C1QTNF7: variants seen among roughly 807,000 people sequenced by gnomAD.
The protein encoded by C1QTNF7 is complement C1q tumor necrosis factor-related protein 7.
C1QTNF7 carries 15 observed loss-of-function variants against 19.6 expected under a neutral mutation model. The ratio of observed to expected loss-of-function variants is 0.76; its 90% confidence interval spans 0.51 to 1.18. The LOEUF is 1.18. C1QTNF7 is among the 50% of genes most tolerant of loss of function. The pLI is 0.00. For synonymous variants in C1QTNF7, 142 were observed against 137.5 expected (o/e 1.03, Z -0.23); for missense variants, 324 against 359.7 (o/e 0.90, Z 0.80).
At chr4:15,366,093 G>A (rs1323544175) in intron 1 of C1QTNF7, among the ~76,000 whole-genome samples, 2 of 152,140 alleles carry the variant, frequency 1.3e-5, no homozygotes, top group Non-Finnish European at 2.9e-5. Flanking sequence ...TTAACAGCTG[G>A]AGAGTTTCCT....
At chr4:15,340,419 A>G (rs997181933) in intron 1 of C1QTNF7, among the ~76,000 whole-genome samples, 2 of 152,124 alleles carry the variant, frequency 1.3e-5, no homozygotes, top group Admixed American at 6.5e-5. Context: ...ACCTCTGTAA[A>G]TATCTTTCAC....
intron 1 of C1QTNF7, among the ~76,000 whole-genome samples, chr4:15,411,291 C>T (rs750946430): frequency 1.6e-4 from 25 of 152,052 alleles, no homozygotes; most frequent in East Asian, 3.8e-4. Context: ...GAAAGACAAA[C>T]GAGATGAAAG....
chr4:15,411,118 T>G (rs1719388031), intron 1 of C1QTNF7, among the ~76,000 whole-genome samples: 1 of 152,200 alleles, frequency 6.6e-6, no homozygotes, highest in Non-Finnish European at 1.5e-5. Flanking sequence ...TTCATTCCAA[T>G]AAGAACTTAT....
At position 15,442,890 on chromosome 4, in the gene C1QTNF7, A is replaced by G. The variant is rs748516387; in HGVS notation, c.*91A>G. ...AGGAATGGGATCCAAAGAGACTCCC[A>G]CTCAGATTCTAAAGCATTTAAAGAC... On this transcript the variant is annotated 3_prime_UTR_variant, in exon 3 of 3. Coordinates refer to ENST00000444304, the MANE Select transcript of C1QTNF7 (RefSeq NM_031911.5). 561 of 1,309,210 alleles carry G rather than the reference A, an allele frequency of 4.3e-4. 4 individuals are homozygous for G. In the Middle Eastern group the frequency reaches 6.3e-3, roughly 15 times the overall value. The allele number at this position is 1,309,210 out of a possible 1,614,324, so 81.1% of individuals were successfully genotyped here. A position where few individuals can be genotyped will look rare whatever the true frequency, so the allele number is the denominator to read the frequency against.
At chr4:15,374,460 T>A (rs1475225028) in intron 1 of C1QTNF7, 1 of 639,958 alleles carries the variant, frequency 1.6e-6, no homozygotes, top group Non-Finnish European at 1.9e-6. Flanking sequence ...AGCCAACAGA[T>A]AAAGAAGGAT....
intron 1 of C1QTNF7, among the ~76,000 whole-genome samples, chr4:15,341,601 ATCT>A (rs1228566470): frequency 1.3e-5 from 2 of 152,148 alleles, no homozygotes; most frequent in Admixed American, 1.3e-4. Flanking sequence ...TCTTTCCCAA[ATCT>A]TCTTCTATTC....
At chr4:15,368,147 A>G (rs1717595035) in intron 1 of C1QTNF7, among the ~76,000 whole-genome samples, 1 of 152,092 alleles carries the variant, frequency 6.6e-6, no homozygotes, top group Non-Finnish European at 1.5e-5. Context: ...AGACTTTTAC[A>G]AGTAGTATCT....
chr4:15,379,753 A>G (rs1441457162), intron 1 of C1QTNF7, among the ~76,000 whole-genome samples: 1 of 152,250 alleles, frequency 6.6e-6, no homozygotes, highest in African/African-American at 2.4e-5. Context: ...TTGGAGGTCT[A>G]TTAAAACCAG....
chr4:15,340,240 T>C (rs1171583685), intron 1 of C1QTNF7: 1 of 1,550,598 alleles, frequency 6.4e-7, no homozygotes, highest in African/African-American at 1.4e-5. Flanking sequence ...GTTTTTCTCT[T>C]TTTCCCTCCT....
rs200010034 is a variant in C1QTNF7 at position 15,439,844 on chromosome 4, T to TTA, written c.239-2315_239-2314dup. On this transcript the variant is annotated intron_variant, in intron 2 of 2. Coordinates refer to ENST00000444304, the MANE Select transcript of C1QTNF7 (RefSeq NM_031911.5). Reference sequence around the variant, plus strand: ...TTTCGATGGTATTAAATCATTGCTGTTATATATATAAAATCATTGCTTTTT... The same window carrying TTA: ...TTTCGATGGTATTAAATCATTGCTGTTATATATATATAAAATCATTGCTTTTT... Among the ~76,000 whole-genome samples, 690 of 152,132 alleles carry TTA rather than the reference T, an allele frequency of 4.5e-3. 2 individuals are homozygous for TTA. Among genetic ancestry groups the TTA allele is most frequent in the Non-Finnish European group, 7.2e-3 (489 of 67,988 alleles).
chr4:15,434,226 G>A (rs549514369), intron 1 of C1QTNF7, among the ~76,000 whole-genome samples: 1 of 151,870 alleles, frequency 6.6e-6, no homozygotes, highest in South Asian at 2.1e-4. Flanking sequence ...GCCTGAGTTC[G>A]GATAAGTTGC....
At chr4:15,393,873 C>T (rs1402693345) in intron 1 of C1QTNF7, among the ~76,000 whole-genome samples, 2 of 152,206 alleles carry the variant, frequency 1.3e-5, no homozygotes, top group Non-Finnish European at 2.9e-5. Context: ...CAGACAGAAA[C>T]TCTGTTCCCA....
chr4:15,382,567 T>C (rs752301055), intron 1 of C1QTNF7, among the ~76,000 whole-genome samples: 1 of 152,224 alleles, frequency 6.6e-6, no homozygotes, highest in Non-Finnish European at 1.5e-5. Context: ...CTGGTCAATA[T>C]GTAGATTGTT....
chr4:15,425,213 A>C (rs1261926563), upstream of C1QTNF7, among the ~76,000 whole-genome samples: 1 of 152,096 alleles, frequency 6.6e-6, no homozygotes. Flanking sequence ...TCACCCATAG[A>C]GCTTTTAAAA....
chr4:15,341,696 G>A (rs570977959), intron 1 of C1QTNF7, among the ~76,000 whole-genome samples: 118 of 152,302 alleles, frequency 7.7e-4, no homozygotes, highest in African/African-American at 2.5e-3. Context: ...CAATATTACT[G>A]TCTCCTTCCC....
intron 1 of C1QTNF7, among the ~76,000 whole-genome samples, chr4:15,399,426 C>T (rs1279482876): frequency 6.6e-6 from 1 of 152,294 alleles, no homozygotes; most frequent in South Asian, 2.1e-4. Context: ...TAAGAACATG[C>T]ACCCCAAGTC....
chr4:15,439,934 A>G (rs1300703274), intron 2 of C1QTNF7, among the ~76,000 whole-genome samples: 1 of 151,622 alleles, frequency 6.6e-6, no homozygotes, highest in African/African-American at 2.4e-5. Context: ...TATATAATCT[A>G]TTTTATATAT....
chr4:15,411,004 G>C (rs189066497), intron 1 of C1QTNF7, among the ~76,000 whole-genome samples: 1 of 152,130 alleles, frequency 6.6e-6, no homozygotes, highest in Non-Finnish European at 1.5e-5. Context: ...TTTCACACGC[G>C]AACAGGAAGG....
intron 1 of C1QTNF7, among the ~76,000 whole-genome samples, chr4:15,419,665 T>C (rs917520765): frequency 6.6e-6 from 1 of 152,216 alleles, no homozygotes; most frequent in African/African-American, 2.4e-5. Context: ...CGTGAGCGTA[T>C]ATTTAAAATA....
Sources: gnomAD v4.1 joint callset for allele counts (sites outside exome capture counted in the v4.1 genomes callset) on GRCh38, gnomAD v4.1.1 for gene constraint, MANE v1.5 for transcripts, NCBI Gene and HGNC (gene_info 2026-07-23, HGNC 2026-07-21) for gene names.